The following DOCK1 variants were observed in gnomAD, a reference collection of about 807,000 sequenced individuals.
The protein encoded by DOCK1 is dedicator of cytokinesis 1, also known as dedicator of cytokinesis protein 1.
DOCK1 carries 138 observed loss-of-function variants against 262.7 expected under a neutral mutation model. The observed-to-expected ratio is 0.53, with a 90% CI of 0.46 to 0.61. The LOEUF (loss-of-function observed/expected upper bound fraction) is 0.61, where lower values mean the gene tolerates loss of function less well. Among genes scored for constraint, DOCK1 ranks in the 20% least tolerant of loss-of-function variants. The probability of loss-of-function intolerance (pLI) is 0.00; values close to 1 mark genes in which losing one functional copy is unlikely to be tolerated. For missense variants in DOCK1, 1,908 were observed against 2,370.7 expected (o/e 0.80, Z 4.05); for synonymous variants, 866 against 867.4 (o/e 1.00, Z 0.03).
At chr10:127,042,779 G>A (rs963855158) in intron 20 of DOCK1, 65 bp downstream of exon 20, 6 of 1,542,028 alleles carry the variant, frequency 3.9e-6, no homozygotes, top group Non-Finnish European at 4.5e-6. Flanking sequence ...CAGCGTCTGA[G>A]GCTGGAGTCG....
chr10:127,408,524 G>A (rs930443387), intron 40 of DOCK1, among the ~76,000 whole-genome samples: 8 of 152,232 alleles, frequency 5.3e-5, no homozygotes, highest in Non-Finnish European at 7.3e-5. Flanking sequence ...ACAGGAGTCA[G>A]CGCCCGGCGG....
intron 27 of DOCK1, among the ~76,000 whole-genome samples, chr10:127,186,724 C>G (rs2056307096): frequency 6.6e-6 from 1 of 151,914 alleles, no homozygotes; most frequent in South Asian, 2.1e-4. Flanking sequence ...AAGCGCAGTA[C>G]TTAGGAATCT....
At chr10:127,186,795 G>A (rs1225394264) in intron 27 of DOCK1, among the ~76,000 whole-genome samples, 2 of 152,060 alleles carry the variant, frequency 1.3e-5, no homozygotes, top group African/African-American at 4.8e-5. Context: ...GGGCAATGGG[G>A]ATGTATAAAG....
intron 12 of DOCK1, chr10:127,013,604 G>C (rs1285738058): frequency 1.3e-5 from 2 of 152,220 alleles, no homozygotes; most frequent in Non-Finnish European, 2.9e-5. Flanking sequence ...GCCTCTGCCA[G>C]GCTCACTGGT....
intron 1 of DOCK1, among the ~76,000 whole-genome samples, chr10:126,907,559 T>G (rs1179312674): frequency 6.6e-6 from 1 of 152,158 alleles, no homozygotes; most frequent in Non-Finnish European, 1.5e-5. Context: ...TGTGCTTGCC[T>G]GCAGATGGGG....
At position 126,999,521 on chromosome 10, in the gene DOCK1, T is replaced by C. The variant is rs970522885; in HGVS notation, c.849+86T>C. 2.7e-6 allele frequency: 3 copies of C among 1,108,888 alleles called. No homozygotes were observed. In the African/African-American group the frequency reaches 4.6e-5, roughly 17 times the overall value. The allele number at this position is 1,108,888 out of a possible 1,614,324, so 68.7% of individuals were successfully genotyped here. A position where few individuals can be genotyped will look rare whatever the true frequency, so the allele number is the denominator to read the frequency against. ...ATTTCTGTCTGCCTTCCTGCGACAC[T>C]AGAACATGGGTCCCTGGGATGCCTG... On this transcript the variant is annotated intron_variant, in intron 9 of 51. Transcript: ENST00000623213.
intron 23 of DOCK1, among the ~76,000 whole-genome samples, chr10:127,102,525 G>A (rs549080592): frequency 1.1e-4 from 16 of 152,150 alleles, no homozygotes; most frequent in Non-Finnish European, 1.6e-4. Context: ...TATATTCTTA[G>A]TCACTTAAAA....
At chr10:127,348,455 G>A (rs1414978526) in intron 31 of DOCK1, among the ~76,000 whole-genome samples, 2 of 152,202 alleles carry the variant, frequency 1.3e-5, no homozygotes, top group Non-Finnish European at 2.9e-5. Flanking sequence ...AGGAGCTTCT[G>A]TGTTCAGGAC....
At chr10:126,970,827 A>G in intron 2 of DOCK1, 42 bp downstream of exon 2, 1 of 1,596,458 alleles carries the variant, frequency 6.3e-7, no homozygotes, top group Non-Finnish European at 8.6e-7. Context: ...CATTTTGGGC[A>G]GATGGCACAC....
chr10:127,123,428 C>T (rs144254240), intron 25 of DOCK1, among the ~76,000 whole-genome samples: 73 of 152,242 alleles, frequency 4.8e-4, no homozygotes, highest in Non-Finnish European at 8.7e-4. Flanking sequence ...GTGGGCACCA[C>T]GAGGAAGAGT....
rs150007430 is a variant in DOCK1 at position 127,175,942 on chromosome 10, C to G, written c.2847+48178C>G. The G allele has an allele frequency of 4.2e-5, 67 of 1,614,082 alleles. No homozygotes were observed. The highest frequency in any genetic ancestry group is 5.5e-5 in the Non-Finnish European group (65 of 1,180,054). ...CGGGCCTCCTCCATGGGTCCAGCCT[C>G]GTTCTTCTCTTTCGCATCTGTTAGA... On this transcript the variant is annotated intron_variant, in intron 27 of 51. Transcript: ENST00000623213. This position sits in a 1 kb window ranked among gnomAD's most constrained non-coding sequence, Gnocchi z 6.3.
At chr10:127,156,475 T>G (rs2053057198) in intron 27 of DOCK1, among the ~76,000 whole-genome samples, 1 of 152,144 alleles carries the variant, frequency 6.6e-6, no homozygotes, top group East Asian at 1.9e-4. Context: ...TTGGAGTACT[T>G]CAGTAAGAAA....
chr10:127,305,201 C>T (rs1280707681), intron 29 of DOCK1, among the ~76,000 whole-genome samples: 1 of 152,022 alleles, frequency 6.6e-6, no homozygotes, highest in Non-Finnish European at 1.5e-5. Flanking sequence ...TTTCATGGCA[C>T]TAATAATTCA....
intron 1 of DOCK1, among the ~76,000 whole-genome samples, chr10:126,969,187 C>T (rs1351705931): frequency 2.0e-5 from 3 of 152,206 alleles, no homozygotes; most frequent in Non-Finnish European, 2.9e-5. Flanking sequence ...CGCAATTCTA[C>T]GAGGTCAGTA....
chr10:127,393,324 C>T (rs1002372601), intron 38 of DOCK1, among the ~76,000 whole-genome samples: 1 of 152,216 alleles, frequency 6.6e-6, no homozygotes, highest in African/African-American at 2.4e-5. Flanking sequence ...TACAGCTCCA[C>T]TGATCCAGCC....
chr10:127,092,702 T>C (rs7893768), intron 23 of DOCK1, among the ~76,000 whole-genome samples: 36,206 of 152,116 alleles, frequency 0.24, 6,219 homozygotes, highest in African/African-American at 0.49. Context: ...AGGCTAGTCT[T>C]GAACTCCTGA....
intron 22 of DOCK1, among the ~76,000 whole-genome samples, chr10:127,055,442 C>T (rs552684769): frequency 1.3e-5 from 2 of 152,336 alleles, no homozygotes; most frequent in African/African-American, 4.8e-5. Context: ...GTGTCATGTG[C>T]TTTCATCTTA....
chr10:126,975,009 C>G (rs1023015564), intron 2 of DOCK1, among the ~76,000 whole-genome samples: 1 of 152,074 alleles, frequency 6.6e-6, no homozygotes, highest in African/African-American at 2.4e-5. Flanking sequence ...CTCCTCCTGC[C>G]TCCCATAGAA....
intron 1 of DOCK1, among the ~76,000 whole-genome samples, chr10:126,964,260 C>G (rs2037494092): frequency 6.6e-6 from 1 of 152,194 alleles, no homozygotes; most frequent in Non-Finnish European, 1.5e-5. Context: ...CCTTGGAGAC[C>G]TAGCTTAGGC....
Sources: gnomAD v4.1 joint callset for allele counts (sites outside exome capture counted in the v4.1 genomes callset) on GRCh38, gnomAD v4.1.1 for gene constraint, Gnocchi (gnomAD v3.1) non-coding constraint, MANE v1.5 for transcripts, NCBI Gene and HGNC (gene_info 2026-07-23, HGNC 2026-07-21) for gene names.